Variants in HS6ST3 observed in about 807,000 individuals in gnomAD.
HS6ST3 encodes the protein heparan-sulfate 6-O-sulfotransferase 3.
Under a neutral mutation model 36.7 loss-of-function variants are expected in HS6ST3, and 12 were observed. The observed-to-expected ratio is 0.33, with a 90% CI of 0.21 to 0.53. The LOEUF (loss-of-function observed/expected upper bound fraction) is 0.53. Ranked by LOEUF, HS6ST3 falls within the 20% of genes least tolerant of loss-of-function variation. The pLI is 0.95. For missense variants in HS6ST3, 584 were observed against 640.9 expected (o/e 0.91, Z 0.96); for synonymous variants, 240 against 257.5 (o/e 0.93, Z 0.65).
At chr13:96,274,966 G>C (rs758298911) in intron 1 of HS6ST3, among the ~76,000 whole-genome samples, 18 of 151,526 alleles carry the variant, frequency 1.2e-4, no homozygotes, top group Admixed American at 4.0e-4. Flanking sequence ...TCTGTTGCAG[G>C]CTTCAGCGCT....
intron 1 of HS6ST3, among the ~76,000 whole-genome samples, chr13:96,519,567 A>G (rs2056085551): frequency 6.6e-6 from 1 of 152,252 alleles, no homozygotes; most frequent in African/African-American, 2.4e-5. Flanking sequence ...GTATGTAAAG[A>G]TGAGTAAATA....
intron 1 of HS6ST3, among the ~76,000 whole-genome samples, chr13:96,605,881 G>T (rs2056436833): frequency 8.5e-6 from 1 of 117,520 alleles, no homozygotes; most frequent in African/African-American, 3.8e-5. Context: ...GAATTAACAA[G>T]CAAAAAAAAA....
At chr13:96,534,150 G>T (rs2056146254) in intron 1 of HS6ST3, among the ~76,000 whole-genome samples, 1 of 152,194 alleles carries the variant, frequency 6.6e-6, no homozygotes, top group Admixed American at 6.5e-5. Flanking sequence ...CTGTTTGAGG[G>T]CAGGGACCAT....
intron 1 of HS6ST3, among the ~76,000 whole-genome samples, chr13:96,425,330 CT>C (rs201090381): frequency 4.0e-5 from 6 of 151,278 alleles, no homozygotes; most frequent in Non-Finnish European, 5.9e-5. Context: ...GAGCTCTGCT[CT>C]TTTTTTTTGA....
chr13:96,353,020 T>G (rs2055191289), intron 1 of HS6ST3, among the ~76,000 whole-genome samples: 1 of 151,074 alleles, frequency 6.6e-6, no homozygotes, highest in Non-Finnish European at 1.5e-5. Context: ...GAAAGAGGGT[T>G]GAGTGTTTAC....
intron 1 of HS6ST3, among the ~76,000 whole-genome samples, chr13:96,096,770 T>G (rs1342529144): frequency 1.3e-5 from 2 of 152,160 alleles, no homozygotes; most frequent in Non-Finnish European, 2.9e-5. Context: ...TGCTTTTCCT[T>G]TAGACAGCAG....
intron 1 of HS6ST3, among the ~76,000 whole-genome samples, chr13:96,283,545 C>T (rs1460775160): frequency 2.0e-5 from 3 of 152,038 alleles, no homozygotes; most frequent in African/African-American, 7.2e-5. Flanking sequence ...CTCTGTGCAC[C>T]CCTACCCCTA....
intron 1 of HS6ST3, among the ~76,000 whole-genome samples, chr13:96,323,926 A>T (rs890188338): frequency 6.6e-6 from 1 of 152,178 alleles, no homozygotes; most frequent in African/African-American, 2.4e-5. Flanking sequence ...CTCAATAAAT[A>T]GTTGTTGTCG....
At chr13:96,142,030 T>C (rs1310072327) in intron 1 of HS6ST3, among the ~76,000 whole-genome samples, 3 of 68,450 alleles carry the variant, frequency 4.4e-5, no homozygotes, top group African/African-American at 1.1e-4. Flanking sequence ...ATTGTGGTCA[T>C]GGCAAAAAAA....
At chr13:96,462,710 T>C (rs576566811) in intron 1 of HS6ST3, among the ~76,000 whole-genome samples, 2 of 152,276 alleles carry the variant, frequency 1.3e-5, no homozygotes, top group South Asian at 4.1e-4. Context: ...CTCAAAATGA[T>C]TTATAAATAT....
chr13:96,778,835 T>A (rs1389269337), intron 1 of HS6ST3, among the ~76,000 whole-genome samples: 2 of 152,044 alleles, frequency 1.3e-5, no homozygotes. Flanking sequence ...ACCCAAAGGA[T>A]TATAAATCAT....
intron 1 of HS6ST3, among the ~76,000 whole-genome samples, chr13:96,093,966 A>T (rs987725577): frequency 6.6e-6 from 1 of 152,164 alleles, no homozygotes; most frequent in African/African-American, 2.4e-5. Context: ...AGCAAAATTG[A>T]TAAGTAGATC....
intron 1 of HS6ST3, among the ~76,000 whole-genome samples, chr13:96,260,548 C>T (rs2054660726): frequency 6.6e-6 from 1 of 152,024 alleles, no homozygotes. Context: ...TTCCTGACCT[C>T]GTGATCCACC....
intron 1 of HS6ST3, among the ~76,000 whole-genome samples, chr13:96,171,298 C>T (rs2054186575): frequency 6.6e-6 from 1 of 152,184 alleles, no homozygotes; most frequent in Non-Finnish European, 1.5e-5. Context: ...TTTCTCACCC[C>T]TCATCCTTGC....
At chr13:96,619,911 CT>C (rs1437540360) in intron 1 of HS6ST3, among the ~76,000 whole-genome samples, 2 of 152,136 alleles carry the variant, frequency 1.3e-5, no homozygotes, top group Non-Finnish European at 2.9e-5. Context: ...AACAATGAAA[CT>C]TTGGGGCTTG....
intron 1 of HS6ST3, among the ~76,000 whole-genome samples, chr13:96,110,595 C>A (rs1252972203): frequency 6.6e-6 from 1 of 151,984 alleles, no homozygotes; most frequent in African/African-American, 2.4e-5. Flanking sequence ...CACCACCATG[C>A]CCGGCTAATT....
At chr13:96,693,411 T>G (rs995560512) in intron 1 of HS6ST3, among the ~76,000 whole-genome samples, 47 of 152,094 alleles carry the variant, frequency 3.1e-4, no homozygotes, top group African/African-American at 1.0e-3. Context: ...TTCAAGGAAT[T>G]CTCTTGCCTC....
Position 96,236,335 on chromosome 13 carries a change from C to T in HS6ST3, c.707+144766C>T, listed in dbSNP as rs545731001. ...GCATCCTTCAATCCAATCAAGTTGA[C>T]ACTTAATATTAACCATCACAGGCAG... On this transcript the variant is annotated intron_variant, in intron 1 of 1. Transcript: ENST00000376705. Among the ~76,000 whole-genome samples, 12 of 152,254 alleles carry T rather than the reference C, an allele frequency of 7.9e-5. No homozygotes were observed. In the South Asian group the frequency reaches 2.3e-3, roughly 29 times the overall value.
At chr13:96,582,806 G>T (rs1447109458) in intron 1 of HS6ST3, among the ~76,000 whole-genome samples, 1 of 151,904 alleles carries the variant, frequency 6.6e-6, no homozygotes, top group East Asian at 1.9e-4. Context: ...GCATATATTT[G>T]TCCATTCATG....
Sources: gnomAD v4.1 joint callset for allele counts (sites outside exome capture counted in the v4.1 genomes callset) on GRCh38, gnomAD v4.1.1 for gene constraint, MANE v1.5 for transcripts, NCBI Gene and HGNC (gene_info 2026-07-23, HGNC 2026-07-21) for gene names.